Variants in KIRREL3 observed in about 807,000 individuals in gnomAD.
KIRREL3 encodes kirre like nephrin family adhesion molecule 3.
KIRREL3 carries 36 observed loss-of-function variants against 89.7 expected under a neutral mutation model. That is an observed-to-expected ratio of 0.40 (90% CI 0.31 to 0.53). The LOEUF is 0.53. Among genes scored for constraint, KIRREL3 ranks in the 20% least tolerant of loss-of-function variants. The probability of loss-of-function intolerance (pLI) is 0.49; values close to 1 mark genes in which losing one functional copy is unlikely to be tolerated. For synonymous variants in KIRREL3, 445 were observed against 441.4 expected (o/e 1.01, Z -0.10); for missense variants, 864 against 1,056.6 (o/e 0.82, Z 2.53).
rs755915888 is a variant in KIRREL3, at chr11:126,435,255, T to G, written c.1588+13A>C. The G allele has an allele frequency of 1.2e-6, 2 of 1,613,310 alleles. No individual in the cohort carries two copies. Among genetic ancestry groups the G allele is most frequent in the African/African-American group, 2.7e-5 (2 of 74,804 alleles). ...CCCCTTCCCAGGGCCATTCTCATCA[T>G]CTCCTTCCGTACCTGCTTCCAGCCC... On this transcript the variant is annotated intron_variant, in intron 13 of 16. Transcript: ENST00000525144.
At chr11:126,543,738 A>G (rs780222478) in intron 2 of KIRREL3, among the ~76,000 whole-genome samples, 16 of 152,180 alleles carry the variant, frequency 1.1e-4, no homozygotes, top group Admixed American at 2.0e-4. Flanking sequence ...CAGCTCTGTC[A>G]CCAATACTTC....
rs983203780 is a variant in KIRREL3 at position 126,564,528 on chromosome 11, G to A, written c.56-1616C>T. On this transcript the variant is annotated intron_variant, in intron 1 of 16. Transcript: ENST00000525144. This position sits in a 1 kb window ranked among gnomAD's most constrained non-coding sequence, Gnocchi z 7.4. ...AGATCTGAGGGCACTGTTTCCAAAG[G>A]CACTCACTTCTCTTCCTTCCCCTCC... is the stretch of plus-strand genomic sequence containing the variant. Among the ~76,000 whole-genome samples, 8 of 152,158 alleles carry A rather than the reference G, an allele frequency of 5.3e-5. No homozygotes were observed. The highest frequency in any genetic ancestry group is 1.3e-4 in the Admixed American group (2 of 15,276).
intron 1 of KIRREL3, among the ~76,000 whole-genome samples, chr11:126,866,588 C>T (rs1257131386): frequency 2.0e-5 from 1 of 50,292 alleles, no homozygotes; most frequent in African/African-American, 8.7e-5. Context: ...CAAGCCACTC[C>T]TGTTTTCACG....
In KIRREL3 at chr11:126,904,122, T is replaced by C. The variant is rs898002398; in HGVS notation, c.55+96333A>G. On this transcript the variant is annotated intron_variant, in intron 1 of 16. Coordinates refer to ENST00000525144, the MANE Select transcript of KIRREL3 (RefSeq NM_032531.4). This position sits in a 1 kb window ranked among gnomAD's most constrained non-coding sequence, Gnocchi z 4.4. ...CTAAATTGCTATGATTTTATGAAGA[T>C]GGCATAGAAAAAACTGCCTCACTCT... 3.9e-5 allele frequency among the ~76,000 whole-genome samples: 6 copies of C among 152,316 alleles called. 1 individual carries two copies. Among genetic ancestry groups the C allele is most frequent in the African/African-American group, 7.2e-5 (3 of 41,586 alleles).
In KIRREL3 at chr11:126,429,342, T is replaced by G; in HGVS notation, c.1697-54A>C. On this transcript the variant is annotated intron_variant, in intron 14 of 16. Coordinates refer to ENST00000525144, the MANE Select transcript of KIRREL3 (RefSeq NM_032531.4). The surrounding 1 kb of genome is among the most constrained non-coding windows in gnomAD (Gnocchi z 5.2). ...ATAGATTTAGTTCTTACCTTTGAGA[T>G]GTCAAGCTCCCTTGCAGTCCCCTGC... 1 of 1,324,124 alleles carries G rather than the reference T, an allele frequency of 7.6e-7. No individual in the cohort carries two copies. The highest frequency in any genetic ancestry group is 1.1e-6 in the Non-Finnish European group (1 of 922,764). The allele number at this position is 1,324,124 out of a possible 1,614,324, so 82.0% of individuals were successfully genotyped here. A position where few individuals can be genotyped will look rare whatever the true frequency, so the allele number is the denominator to read the frequency against.
At position 126,642,065 on chromosome 11, in the gene KIRREL3, G is replaced by A. The variant is rs188870130; in HGVS notation, c.56-79153C>T. ...TGCTGCAGATGGAGCCCAGATCCCA[G>A]TGAGCGACTGCTGGGCTGTTCACAG... On this transcript the variant is annotated intron_variant, in intron 1 of 16. Coordinates refer to ENST00000525144, the MANE Select transcript of KIRREL3 (RefSeq NM_032531.4). The surrounding 1 kb of genome is among the most constrained non-coding windows in gnomAD (Gnocchi z 4.9). Among the ~76,000 whole-genome samples, 23 of 152,352 alleles carry A rather than the reference G, an allele frequency of 1.5e-4. No individual in the cohort carries two copies. Among genetic ancestry groups the A allele is most frequent in the African/African-American group, 5.5e-4 (23 of 41,588 alleles).
chr11:126,766,846 G>T lies in KIRREL3; in HGVS notation c.56-203934C>A, dbSNP rs1949839646. 1.3e-5 allele frequency among the ~76,000 whole-genome samples: 2 copies of T among 152,254 alleles called. No homozygotes were observed. On this transcript the variant is annotated intron_variant, in intron 1 of 16. Coordinates refer to ENST00000525144, the MANE Select transcript of KIRREL3 (RefSeq NM_032531.4). This position sits in a 1 kb window ranked among gnomAD's most constrained non-coding sequence, Gnocchi z 4.2. ...AGTAATTAGTTCCTAGGGCTCCCTT[G>T]TGGAGGTAAGAGAAAGAGATTGCTC...
At position 126,903,354 on chromosome 11, in the gene KIRREL3, T is replaced by C. The variant is rs1023551651; in HGVS notation, c.55+97101A>G. ...TGCAGGGATCATAGTTGCACAATTA[T>C]TAAAAAGAGGCCACTTAAATTCAAC... On this transcript the variant is annotated intron_variant, in intron 1 of 16. Transcript: ENST00000525144. This position sits in a 1 kb window ranked among gnomAD's most constrained non-coding sequence, Gnocchi z 4.5. Among the ~76,000 whole-genome samples, 3 of 152,160 alleles carry C rather than the reference T, an allele frequency of 2.0e-5. No homozygotes were observed. Among genetic ancestry groups the C allele is most frequent in the Non-Finnish European group, 2.9e-5 (2 of 68,016 alleles).
intron 4 of KIRREL3, among the ~76,000 whole-genome samples, chr11:126,497,908 G>A (rs955364898): frequency 6.6e-6 from 1 of 152,188 alleles, no homozygotes; most frequent in Admixed American, 6.5e-5. Flanking sequence ...AGAGGATTAA[G>A]CCATGGTCTC....
At chr11:126,730,573 T>A (rs1355014389) in intron 1 of KIRREL3, among the ~76,000 whole-genome samples, 1 of 152,164 alleles carries the variant, frequency 6.6e-6, no homozygotes, top group Admixed American at 6.5e-5. Flanking sequence ...AGGGACAATT[T>A]CTGATGGTCA....
chr11:126,909,645 C>T lies in KIRREL3; in HGVS notation c.55+90810G>A, dbSNP rs1015578761. On this transcript the variant is annotated intron_variant, in intron 1 of 16. Coordinates refer to ENST00000525144, the MANE Select transcript of KIRREL3 (RefSeq NM_032531.4). The surrounding 1 kb of genome is among the most constrained non-coding windows in gnomAD (Gnocchi z 4.5). ...CACCCTTTCAGCAGGCCAGGAGTCT[C>T]TTGGGAAGCCTACCAAAGAAGGGAG... Among the ~76,000 whole-genome samples, 3 of 152,124 alleles carry T rather than the reference C, an allele frequency of 2.0e-5. No homozygotes were observed. The highest frequency in any genetic ancestry group is 7.2e-5 in the African/African-American group (3 of 41,426).
intron 1 of KIRREL3, among the ~76,000 whole-genome samples, chr11:126,718,471 G>A (rs1449374881): frequency 1.3e-5 from 2 of 152,206 alleles, no homozygotes; most frequent in Non-Finnish European, 2.9e-5. Flanking sequence ...TGGGGGCACT[G>A]GAAACACTTG....
intron 1 of KIRREL3, among the ~76,000 whole-genome samples, chr11:126,882,201 T>C (rs996964303): frequency 7.9e-5 from 12 of 152,176 alleles, no homozygotes; most frequent in African/African-American, 2.9e-4. Flanking sequence ...CAAATGTATC[T>C]AAAAATTGCC....
In KIRREL3 at chr11:126,748,080, G is replaced by A. The variant is rs1439478888; in HGVS notation, c.56-185168C>T. 6.6e-6 allele frequency among the ~76,000 whole-genome samples: 1 copy of A among 152,186 alleles called. No individual in the cohort carries two copies. The highest frequency in any genetic ancestry group is 1.5e-5 in the Non-Finnish European group (1 of 68,040). The stretch of plus-strand genomic sequence containing the variant: ...TTATCTGCTCCTTGAATCTGAGGAG[G>A]TTCACCTTTTAAGGTGAAAATGGCC... On this transcript the variant is annotated intron_variant, in intron 1 of 16. Transcript: ENST00000525144. The surrounding 1 kb of genome is among the most constrained non-coding windows in gnomAD (Gnocchi z 4.6).
rs577562472 is a variant in KIRREL3 at position 126,921,642 on chromosome 11, C to CTATT, written c.55+78812_55+78813insAATA. ...TCTATCTTCCTATCTATCCATCCATCTTCCTGTGTTCCTATCTATCTATTA... is the reference window on the plus strand; with the variant it reads ...TCTATCTTCCTATCTATCCATCCATCTATTTTCCTGTGTTCCTATCTATCTATTA... On this transcript the variant is annotated intron_variant, in intron 1 of 16. Coordinates refer to ENST00000525144, the MANE Select transcript of KIRREL3 (RefSeq NM_032531.4). Among the ~76,000 whole-genome samples, 3 of 150,438 alleles carry CTATT rather than the reference C, an allele frequency of 2.0e-5. 1 individual carries two copies. The East Asian group carries it at 5.9e-4, about 30-fold the overall frequency.
chr11:126,833,530 A>G (rs374485778), intron 1 of KIRREL3, among the ~76,000 whole-genome samples: 220 of 152,380 alleles, frequency 1.4e-3, no homozygotes, highest in African/African-American at 5.1e-3. Flanking sequence ...GAATATCAGC[A>G]GCCCTCCCTT....
Position 126,471,994 on chromosome 11 carries a change from C to G in KIRREL3, c.591+1315G>C, listed in dbSNP as rs1256793724. ...GATCATGGGCTGGATTTCAGCCCTCCCTGGCCCCTGAGCCAGGCACCTTGG... is the reference window on the plus strand; with the variant it reads ...GATCATGGGCTGGATTTCAGCCCTCGCTGGCCCCTGAGCCAGGCACCTTGG... On this transcript the variant is annotated intron_variant, in intron 5 of 16. Coordinates refer to ENST00000525144, the MANE Select transcript of KIRREL3 (RefSeq NM_032531.4). This position sits in a 1 kb window ranked among gnomAD's most constrained non-coding sequence, Gnocchi z 5.4. Among the ~76,000 whole-genome samples, 1 of 152,172 alleles carries G rather than the reference C, an allele frequency of 6.6e-6. No homozygotes were observed. Among genetic ancestry groups the G allele is most frequent in the African/African-American group, 2.4e-5 (1 of 41,438 alleles).
chr11:126,862,912 C>A (rs931287180), intron 1 of KIRREL3, among the ~76,000 whole-genome samples: 1 of 152,220 alleles, frequency 6.6e-6, no homozygotes, highest in East Asian at 1.9e-4. Context: ...AGTTTCTCAC[C>A]GTGGCTTTCT....
At position 126,977,140 on chromosome 11, in the gene KIRREL3, G is replaced by A. The variant is rs1949601284; in HGVS notation, c.55+23315C>T. 6.6e-6 allele frequency among the ~76,000 whole-genome samples: 1 copy of A among 151,830 alleles called. No individual in the cohort carries two copies. The highest frequency in any genetic ancestry group is 2.4e-5 in the African/African-American group (1 of 41,310). On this transcript the variant is annotated intron_variant, in intron 1 of 16. Transcript: ENST00000525144. This position sits in a 1 kb window ranked among gnomAD's most constrained non-coding sequence, Gnocchi z 4.7. ...TTTCTGCAGGCTTCAGCTCCTTCTGGGTCTTAGTGTCACTTGGCACCTTTG... is the reference window on the plus strand; with the variant it reads ...TTTCTGCAGGCTTCAGCTCCTTCTGAGTCTTAGTGTCACTTGGCACCTTTG...
Sources: allele counts gnomAD v4.1 joint callset (sites outside exome capture counted in the v4.1 genomes callset), GRCh38; gene constraint gnomAD v4.1.1; non-coding constraint Gnocchi (gnomAD v3.1); transcripts MANE v1.5; gene names NCBI Gene and HGNC (gene_info 2026-07-23, HGNC 2026-07-21).